Variants in PREX2 observed in about 807,000 individuals in gnomAD.
PREX2 encodes phosphatidylinositol-3,4,5-trisphosphate dependent Rac exchange factor 2.
PREX2 carries 107 observed loss-of-function variants against 203.2 expected under a neutral mutation model. The observed-to-expected ratio is 0.53, with a 90% CI of 0.45 to 0.62. The LOEUF is 0.62. Among genes scored for constraint, PREX2 ranks in the 20% least tolerant of loss-of-function variants. The pLI is 0.00. For synonymous variants in PREX2, 672 were observed against 663.6 expected (o/e 1.01, Z -0.19); for missense variants, 1,777 against 1,955.9 (o/e 0.91, Z 1.72).
intron 23 of PREX2, among the ~76,000 whole-genome samples, chr8:68,104,259 A>C (rs1458755788): frequency 6.6e-6 from 1 of 152,190 alleles, no homozygotes; most frequent in African/African-American, 2.4e-5. Context: ...ACCAACCCAC[A>C]GTTGTCCTGA....
chr8:68,120,639 G>A (rs534578695), intron 29 of PREX2, among the ~76,000 whole-genome samples: 1 of 152,248 alleles, frequency 6.6e-6, no homozygotes, highest in African/African-American at 2.4e-5. Context: ...GGGAATGAGA[G>A]TTGATGAATG....
chr8:68,088,313 G>C (rs1368465003), intron 19 of PREX2, among the ~76,000 whole-genome samples: 1 of 151,870 alleles, frequency 6.6e-6, no homozygotes, highest in Non-Finnish European at 1.5e-5. Context: ...TTTTTTGTTT[G>C]ATTATTGACA....
chr8:68,210,359 G>A (rs1173959414), intron 37 of PREX2, among the ~76,000 whole-genome samples: 1 of 152,126 alleles, frequency 6.6e-6, no homozygotes, highest in Non-Finnish European at 1.5e-5. Context: ...TTTATTTAAT[G>A]TGTTAGGGTC....
chr8:67,992,561 A>T (rs533081317), intron 1 of PREX2, among the ~76,000 whole-genome samples: 1 of 152,364 alleles, frequency 6.6e-6, no homozygotes, highest in South Asian at 2.1e-4. Context: ...CTAAGGAATT[A>T]TAAGTGATTT....
At chr8:68,026,855 C>T (rs928529546) in intron 4 of PREX2, among the ~76,000 whole-genome samples, 2 of 152,136 alleles carry the variant, frequency 1.3e-5, no homozygotes, top group African/African-American at 4.8e-5. Context: ...CATAATATAC[C>T]TTTCTTTATA....
intron 14 of PREX2, among the ~76,000 whole-genome samples, chr8:68,072,850 A>G (rs553973593): frequency 6.6e-6 from 1 of 152,276 alleles, no homozygotes; most frequent in Non-Finnish European, 1.5e-5. Context: ...TCTGAAGAAT[A>G]GCTATGCTCA....
At chr8:68,185,814 G>A (rs1212250563) in intron 35 of PREX2, among the ~76,000 whole-genome samples, 1 of 148,414 alleles carries the variant, frequency 6.7e-6, no homozygotes, top group East Asian at 1.9e-4. Flanking sequence ...ATGCCAGCAT[G>A]AAAGGAAACA....
Position 68,022,110 on chromosome 8 carries a change from C to A in PREX2, c.411C>A (p.Asn137Lys). 2 of 1,553,510 alleles carry A rather than the reference C, an allele frequency of 1.3e-6. No homozygotes were observed. The highest frequency in any genetic ancestry group is 1.8e-6 in the Non-Finnish European group (2 of 1,125,190). ...EKAQKLLLEL[N>K]KIRTIRTFLL... ...CACAAAAATTACTTCTTGAACTCAA[C>A]AAAATAAGAACAATCCGGACATTTC... Residue 137 changes from asparagine (N) to lysine (K), a missense_variant, in exon 4 of 40, where the codon AAC becomes AAA. Transcript: ENST00000288368.
In PREX2 at chr8:67,975,272, G is replaced by GTTTTT. The variant is rs75276095; in HGVS notation, c.141+22760_141+22764dup. Among the ~76,000 whole-genome samples, 46 of 96,828 alleles carry GTTTTT rather than the reference G, an allele frequency of 4.8e-4. 2 individuals are homozygous for GTTTTT. Among genetic ancestry groups the GTTTTT allele is most frequent in the African/African-American group, 2.0e-3 (44 of 22,204 alleles). 63.5% of individuals were successfully genotyped at this position (96,828 alleles called of 152,430 possible). A position where few individuals can be genotyped will look rare whatever the true frequency, so the allele number is the denominator to read the frequency against. On this transcript the variant is annotated intron_variant, in intron 1 of 39. Coordinates refer to ENST00000288368, the MANE Select transcript of PREX2 (RefSeq NM_024870.4). Reference sequence around the variant, plus strand: ...GGCTGATGTTACCTGCACACGGCCTGTTTTTTTTTTTTTTTTTTTTTTTTT... The same window carrying GTTTTT: ...GGCTGATGTTACCTGCACACGGCCTGTTTTTTTTTTTTTTTTTTTTTTTTTTTTTT...
chr8:68,038,339 C>T, intron 7 of PREX2, 47 bp downstream of exon 7: 1 of 1,597,312 alleles, frequency 6.3e-7, no homozygotes, highest in Non-Finnish European at 8.5e-7. Flanking sequence ...ACAGTTTCTA[C>T]CTTTCCCTCT....
In PREX2 at chr8:68,096,297, A is replaced by C. The variant is rs140468559; in HGVS notation, c.2369-720A>C. On this transcript the variant is annotated intron_variant, in intron 21 of 39. Transcript: ENST00000288368. ...ATAAATCAATATTCTACTTTTGCCTATTTAATATTTACTGTTTATGCTATT... is the reference window on the plus strand; with the variant it reads ...ATAAATCAATATTCTACTTTTGCCTCTTTAATATTTACTGTTTATGCTATT... Among the ~76,000 whole-genome samples, 457 of 152,270 alleles carry C rather than the reference A, an allele frequency of 3.0e-3. 3 individuals carry two copies. The highest frequency in any genetic ancestry group is 0.01 in the African/African-American group (423 of 41,558).
At chr8:68,131,698 T>A (rs909944007) in intron 31 of PREX2, among the ~76,000 whole-genome samples, 3 of 152,192 alleles carry the variant, frequency 2.0e-5, no homozygotes, top group African/African-American at 7.2e-5. Flanking sequence ...CTTTTTAGGA[T>A]AAAAATAGAA....
chr8:67,995,167 G>A (rs903210679), intron 1 of PREX2, among the ~76,000 whole-genome samples: 5 of 151,806 alleles, frequency 3.3e-5, no homozygotes, highest in Admixed American at 2.0e-4. Context: ...GAAAGTATAC[G>A]TTTTAGAGTT....
chr8:68,046,268 T>A (rs906570914), intron 8 of PREX2, among the ~76,000 whole-genome samples: 1 of 152,048 alleles, frequency 6.6e-6, no homozygotes, highest in Non-Finnish European at 1.5e-5. Flanking sequence ...GCATTGGTGA[T>A]CTGACTGAGT....
Position 68,235,219 on chromosome 8 carries a change from T to G in PREX2, c.*3841T>G, listed in dbSNP as rs1227103759. ...TTATACTTCTGAAAAGCCATAATAT[T>G]GAAATTTAAAATGAATAGTCTTACT... On this transcript the variant is annotated 3_prime_UTR_variant, in exon 40 of 40. Coordinates refer to ENST00000288368, the MANE Select transcript of PREX2 (RefSeq NM_024870.4). 6.6e-6 allele frequency: 1 copy of G among 152,146 alleles called. No individual in the cohort carries two copies. Among genetic ancestry groups the G allele is most frequent in the Non-Finnish European group, 1.5e-5 (1 of 68,004 alleles). The allele number at this position is 152,146 out of a possible 1,614,324, so 9.4% of individuals were successfully genotyped here.
intron 21 of PREX2, 77 bp downstream of exon 21, chr8:68,093,799 A>C: frequency 1.4e-6 from 1 of 740,366 alleles, no homozygotes; most frequent in South Asian, 1.9e-5. Context: ...CAAATATTGA[A>C]GGTCCTGTAC....
At chr8:68,174,396 G>C (rs537720170) in intron 35 of PREX2, among the ~76,000 whole-genome samples, 12 of 152,206 alleles carry the variant, frequency 7.9e-5, no homozygotes, top group Middle Eastern at 3.4e-3. Context: ...CTTCAAGTAG[G>C]GGCACAGTTC....
chr8:68,208,464 T>C (rs1812682511), intron 37 of PREX2, among the ~76,000 whole-genome samples: 1 of 152,130 alleles, frequency 6.6e-6, no homozygotes, highest in African/African-American at 2.4e-5. Context: ...AAAATCATGG[T>C]ACAGAAATTT....
At chr8:67,984,504 T>C (rs1806358565) in intron 1 of PREX2, among the ~76,000 whole-genome samples, 1 of 152,206 alleles carries the variant, frequency 6.6e-6, no homozygotes, top group Non-Finnish European at 1.5e-5. Flanking sequence ...TGTGGTTTGA[T>C]TAGTACATGC....
Sources: gnomAD v4.1 joint callset for allele counts (sites outside exome capture counted in the v4.1 genomes callset) on GRCh38, gnomAD v4.1.1 for gene constraint, MANE v1.5 for transcripts, NCBI Gene and HGNC (gene_info 2026-07-23, HGNC 2026-07-21) for gene names.